Variants in SDC2 observed in about 807,000 individuals in gnomAD.
The protein encoded by SDC2 is syndecan-2.
A neutral mutation model predicts 22.2 loss-of-function variants in SDC2; 13 were observed. The observed-to-expected ratio is 0.59, with a 90% CI of 0.38 to 0.93. SDC2 has a LOEUF of 0.93. Among genes scored for constraint, SDC2 ranks in the 40% least tolerant of loss-of-function variants. The pLI, the probability that SDC2 is intolerant of heterozygous loss-of-function variation, is 0.00. For synonymous variants in SDC2, 94 were observed against 92.8 expected (o/e 1.01, Z -0.07); for missense variants, 235 against 246.8 (o/e 0.95, Z 0.32).
rs1815152017 is a variant in SDC2, at chr8:96,610,133, CTT to C, written c.*586_*587del. On this transcript the variant is annotated 3_prime_UTR_variant, in exon 5 of 5. Transcript: ENST00000302190. Reference sequence around the variant, plus strand: ...TAAGTGTCAGACTATCCATTTTACACTTGCTTTATTTTTCATTACCTGTAGCT... The same window carrying C: ...TAAGTGTCAGACTATCCATTTTACACGCTTTATTTTTCATTACCTGTAGCT... The C allele has an allele frequency of 6.6e-6, 1 of 152,600 alleles. No homozygotes were observed. Among genetic ancestry groups the C allele is most frequent in the Admixed American group, 6.5e-5 (1 of 15,270 alleles). The allele number at this position is 152,600 out of a possible 1,614,324, so 9.5% of individuals were successfully genotyped here. A position where few individuals can be genotyped will look rare whatever the true frequency, so the allele number is the denominator to read the frequency against.
At chr8:96,578,166 T>G (rs1814534637) in intron 1 of SDC2, among the ~76,000 whole-genome samples, 1 of 152,190 alleles carries the variant, frequency 6.6e-6, no homozygotes, top group Non-Finnish European at 1.5e-5. Flanking sequence ...TAATGTACAG[T>G]TAATGTTTAA....
intron 1 of SDC2, chr8:96,538,584 C>G (rs1487493641): frequency 6.6e-6 from 1 of 152,084 alleles, no homozygotes; most frequent in African/African-American, 2.4e-5. Flanking sequence ...GCTTCCAATT[C>G]TATTGCATAT....
intron 1 of SDC2, among the ~76,000 whole-genome samples, chr8:96,561,922 A>G (rs1294564666): frequency 6.6e-6 from 1 of 152,098 alleles, no homozygotes; most frequent in East Asian, 1.9e-4. Flanking sequence ...TGTTTTTCCA[A>G]ATATTTTTTC....
rs543526327 is a variant in SDC2 at position 96,576,334 on chromosome 8, A to G, written c.61-17146A>G. On this transcript the variant is annotated intron_variant, in intron 1 of 4. Transcript: ENST00000302190. Reference sequence around the variant, plus strand: ...ACAGAGAACTTGAAAGCATAGGACAATATTCTCCACATAAGTTCAATAATT... The same window carrying G: ...ACAGAGAACTTGAAAGCATAGGACAGTATTCTCCACATAAGTTCAATAATT... Among the ~76,000 whole-genome samples the G allele has an allele frequency of 4.9e-5, 7 of 142,996 alleles. No individual in the cohort carries two copies. The South Asian group carries it at 6.7e-4, about 14-fold the overall frequency. 93.8% of individuals were successfully genotyped at this position (142,996 alleles called of 152,430 possible). A position where few individuals can be genotyped will look rare whatever the true frequency, so the allele number is the denominator to read the frequency against.
chr8:96,496,815 A>G (rs748651914), intron 1 of SDC2, among the ~76,000 whole-genome samples: 2 of 152,218 alleles, frequency 1.3e-5, no homozygotes, highest in African/African-American at 4.8e-5. Context: ...AAAACTGCCT[A>G]TGAAAAGGAA....
chr8:96,499,327 G>A (rs551072494), intron 1 of SDC2, among the ~76,000 whole-genome samples: 138 of 152,286 alleles, frequency 9.1e-4, no homozygotes, highest in African/African-American at 3.2e-3. Context: ...CCTCCTCTCA[G>A]ACTTACACAA....
At chr8:96,564,018 G>T (rs1814254406) in intron 1 of SDC2, among the ~76,000 whole-genome samples, 1 of 152,178 alleles carries the variant, frequency 6.6e-6, no homozygotes, top group Non-Finnish European at 1.5e-5. Flanking sequence ...TATTCTGCAG[G>T]CAGTTTAGCC....
At chr8:96,535,231 A>G (rs147284927) in intron 1 of SDC2, among the ~76,000 whole-genome samples, 2 of 152,142 alleles carry the variant, frequency 1.3e-5, no homozygotes, top group East Asian at 3.9e-4. Context: ...CTGGTCTTAG[A>G]CTTCTGACAT....
intron 1 of SDC2, among the ~76,000 whole-genome samples, chr8:96,566,813 G>T (rs1019530771): frequency 6.6e-6 from 1 of 151,898 alleles, no homozygotes; most frequent in Non-Finnish European, 1.5e-5. Context: ...AGGGAGGGGG[G>T]TGTGGTTATG....
At chr8:96,541,498 C>A in intron 1 of SDC2, among the ~76,000 whole-genome samples, 1 of 75,428 alleles carries the variant, frequency 1.3e-5, no homozygotes. Context: ...AGAGCAAGCC[C>A]ATCTCAAAAA....
At chr8:96,501,186 T>C (rs963552513) in intron 1 of SDC2, among the ~76,000 whole-genome samples, 10 of 151,470 alleles carry the variant, frequency 6.6e-5, no homozygotes, top group African/African-American at 1.7e-4. Context: ...GTTTAAGGAG[T>C]GTGTGCAATT....
Position 96,609,602 on chromosome 8 carries a change from C to G in SDC2, c.*54C>G, listed in dbSNP as rs980345799. The G allele has an allele frequency of 1.6e-6, 2 of 1,280,616 alleles. No homozygotes were observed. Among genetic ancestry groups the G allele is most frequent in the African/African-American group, 3.0e-5 (2 of 65,702 alleles). The allele number at this position is 1,280,616 out of a possible 1,614,324, so 79.3% of individuals were successfully genotyped here. A position where few individuals can be genotyped will look rare whatever the true frequency, so the allele number is the denominator to read the frequency against. On this transcript the variant is annotated 3_prime_UTR_variant, in exon 5 of 5. Transcript: ENST00000302190. ...GATCACTGAACTTTTCAAAATAAAG[C>G]TTTTGCATAGAATAATGAAGATCTT...
At chr8:96,547,307 A>G (rs1586292858) in intron 1 of SDC2, among the ~76,000 whole-genome samples, 1 of 152,368 alleles carries the variant, frequency 6.6e-6, no homozygotes, top group East Asian at 1.9e-4. Context: ...ACTCTGGTTC[A>G]TTAGCTTACA....
intron 1 of SDC2, among the ~76,000 whole-genome samples, chr8:96,497,992 A>G (rs1190856729): frequency 6.6e-6 from 1 of 152,230 alleles, no homozygotes; most frequent in Admixed American, 6.5e-5. Context: ...GCCAGAAGTA[A>G]TGAAGAAGAA....
At chr8:96,562,851 C>CTG (rs931088675) in intron 1 of SDC2, among the ~76,000 whole-genome samples, 18 of 152,160 alleles carry the variant, frequency 1.2e-4, no homozygotes, top group Admixed American at 1.3e-4. Context: ...GATGGTTCTC[C>CTG]TGTGGAGCCA....
chr8:96,546,036 A>AC (rs1204393634), intron 1 of SDC2, among the ~76,000 whole-genome samples: 1 of 152,200 alleles, frequency 6.6e-6, no homozygotes, highest in African/African-American at 2.4e-5. Context: ...GAAGGTATAG[A>AC]CCGCTGACAA....
chr8:96,538,488 T>C (rs2575719), intron 1 of SDC2, among the ~76,000 whole-genome samples: 83,203 of 143,142 alleles, frequency 0.58, 25,250 homozygotes, highest in Non-Finnish European at 0.7. Context: ...TAAAGTCCAA[T>C]GTTAAGTCTT....
intron 1 of SDC2, among the ~76,000 whole-genome samples, chr8:96,525,319 T>C (rs962466680): frequency 6.6e-6 from 1 of 151,884 alleles, no homozygotes; most frequent in Non-Finnish European, 1.5e-5. Context: ...TGTAGTCTCC[T>C]TTCTGCTCCT....
At chr8:96,495,407 C>T (rs947396972) in intron 1 of SDC2, among the ~76,000 whole-genome samples, 2 of 152,180 alleles carry the variant, frequency 1.3e-5, no homozygotes, top group Non-Finnish European at 2.9e-5. Flanking sequence ...CCTCCTTGGC[C>T]TCCTCTCGTC....
Sources: gnomAD v4.1 joint callset for allele counts (sites outside exome capture counted in the v4.1 genomes callset) on GRCh38, gnomAD v4.1.1 for gene constraint, MANE v1.5 for transcripts, NCBI Gene and HGNC (gene_info 2026-07-23, HGNC 2026-07-21) for gene names.